Variants in GRID2 observed in about 807,000 individuals in gnomAD.
GRID2 encodes the protein glutamate receptor ionotropic, delta-2.
A neutral mutation model predicts 114.8 loss-of-function variants in GRID2; 33 were observed. The observed-to-expected ratio is 0.29, with a 90% CI of 0.22 to 0.38. The LOEUF is 0.38. Among genes scored for constraint, GRID2 ranks in the 10% least tolerant of loss-of-function variants. The pLI, the probability that GRID2 is intolerant of heterozygous loss-of-function variation, is 1.00. For missense variants in GRID2, 1,184 were observed against 1,257.7 expected (o/e 0.94, Z 0.89); for synonymous variants, 505 against 449.9 (o/e 1.12, Z -1.55).
chr4:93,170,318 A>G (rs1312926467), intron 4 of GRID2, among the ~76,000 whole-genome samples: 4 of 152,132 alleles, frequency 2.6e-5, no homozygotes, highest in Non-Finnish European at 5.9e-5. Flanking sequence ...TCCTGGGCTC[A>G]AGTGATCCAC....
At chr4:93,491,332 A>G (rs1444278925) in intron 12 of GRID2, among the ~76,000 whole-genome samples, 1 of 151,788 alleles carries the variant, frequency 6.6e-6, no homozygotes, top group Non-Finnish European at 1.5e-5. Context: ...TATTGCTGCT[A>G]TTTACTGGTT....
intron 8 of GRID2, among the ~76,000 whole-genome samples, chr4:93,364,047 T>C (rs1762115406): frequency 1.3e-5 from 2 of 152,164 alleles, no homozygotes; most frequent in South Asian, 4.1e-4. Context: ...TTCATTGTAG[T>C]TTGAGAATGT....
intron 14 of GRID2, among the ~76,000 whole-genome samples, chr4:93,691,457 A>G (rs1726556357): frequency 6.6e-6 from 1 of 152,118 alleles, no homozygotes; most frequent in South Asian, 2.1e-4. Context: ...GCAAGGTATC[A>G]TGAAAAGTGT....
intron 1 of GRID2, among the ~76,000 whole-genome samples, chr4:92,451,512 A>G (rs2149079029): frequency 6.6e-6 from 1 of 152,306 alleles, no homozygotes; most frequent in South Asian, 2.1e-4. Flanking sequence ...AATTTCAATG[A>G]GGTACAATCA....
At chr4:92,360,243 T>A (rs987272888) in intron 1 of GRID2, among the ~76,000 whole-genome samples, 3 of 151,952 alleles carry the variant, frequency 2.0e-5, no homozygotes, top group African/African-American at 7.2e-5. Context: ...TCTCATACTA[T>A]TCCAAGACAA....
chr4:92,910,653 T>TA (rs1212305622), intron 2 of GRID2, among the ~76,000 whole-genome samples: 1 of 152,032 alleles, frequency 6.6e-6, no homozygotes, highest in Non-Finnish European at 1.5e-5. Context: ...TGGCTGCCAT[T>TA]TGGTATCCTT....
intron 13 of GRID2, among the ~76,000 whole-genome samples, chr4:93,547,387 C>A (rs573982856): frequency 6.6e-6 from 1 of 152,064 alleles, no homozygotes. Flanking sequence ...TACATTTAAT[C>A]CAGTAAATTT....
chr4:92,722,678 T>C (rs1448669084), intron 2 of GRID2, among the ~76,000 whole-genome samples: 1 of 152,088 alleles, frequency 6.6e-6, no homozygotes, highest in Non-Finnish European at 1.5e-5. Context: ...ACCACTCCTT[T>C]AGATGACGCC....
chr4:93,260,310 T>C (rs1750113444), intron 8 of GRID2, among the ~76,000 whole-genome samples: 1 of 151,516 alleles, frequency 6.6e-6, no homozygotes, highest in African/African-American at 2.4e-5. Flanking sequence ...ATAATAAAGT[T>C]TCTTAATGTC....
At chr4:93,275,025 A>C (rs192130572) in intron 8 of GRID2, among the ~76,000 whole-genome samples, 1 of 152,116 alleles carries the variant, frequency 6.6e-6, no homozygotes, top group Admixed American at 6.6e-5. Context: ...GGATATTTTC[A>C]TCACTCTAAG....
At chr4:93,386,752 G>A (rs1764353635) in intron 8 of GRID2, among the ~76,000 whole-genome samples, 1 of 152,096 alleles carries the variant, frequency 6.6e-6, no homozygotes, top group African/African-American at 2.4e-5. Context: ...GCAAGGGGAA[G>A]ATCTAGGAAT....
At chr4:93,627,520 T>A (rs1742834536) in intron 14 of GRID2, among the ~76,000 whole-genome samples, 1 of 152,200 alleles carries the variant, frequency 6.6e-6, no homozygotes, top group Non-Finnish European at 1.5e-5. Flanking sequence ...CTTTTCTGTG[T>A]AGCAAACAAC....
chr4:92,317,789 G>A lies in GRID2; in HGVS notation c.88+13045G>A, dbSNP rs1180922020. Among the ~76,000 whole-genome samples, 4 of 152,124 alleles carry A rather than the reference G, an allele frequency of 2.6e-5. No individual in the cohort carries two copies. In the East Asian group the frequency reaches 7.7e-4, roughly 29 times the overall value. On this transcript the variant is annotated intron_variant, in intron 1 of 15. Coordinates refer to ENST00000282020, the MANE Select transcript of GRID2 (RefSeq NM_001510.4). Reference sequence around the variant, plus strand: ...GTGAAGCTTTTGGGCCACCAAAGAAGAATAAGCTGAATGACACTGACTGGG... The same window carrying A: ...GTGAAGCTTTTGGGCCACCAAAGAAAAATAAGCTGAATGACACTGACTGGG...
intron 14 of GRID2, among the ~76,000 whole-genome samples, chr4:93,761,241 C>T (rs1037695498): frequency 1.3e-5 from 2 of 152,134 alleles, no homozygotes; most frequent in Non-Finnish European, 2.9e-5. Flanking sequence ...TAGGAGTCAC[C>T]ATCTCTGGTT....
At chr4:93,648,513 A>C (rs1722312027) in intron 14 of GRID2, among the ~76,000 whole-genome samples, 3 of 152,144 alleles carry the variant, frequency 2.0e-5, no homozygotes, top group Admixed American at 2.0e-4. Flanking sequence ...GCCATTGTTG[A>C]AGGGCTATTT....
chr4:93,649,274 G>T (rs963036732), intron 14 of GRID2, among the ~76,000 whole-genome samples: 1 of 152,170 alleles, frequency 6.6e-6, no homozygotes, highest in South Asian at 2.1e-4. Flanking sequence ...ACAGTGCTTT[G>T]CCTATAGGAA....
chr4:93,772,587 G>C lies in GRID2; in HGVS notation c.*89G>C. On this transcript the variant is annotated 3_prime_UTR_variant, in exon 16 of 16. Transcript: ENST00000282020. The stretch of plus-strand genomic sequence containing the variant: ...ATTGTGGGACTAACATGGATGTAAC[G>C]TTTAAAAAAAAGATCAGGATTATTA... 1 of 915,990 alleles carries C rather than the reference G, an allele frequency of 1.1e-6. No individual in the cohort carries two copies. The highest frequency in any genetic ancestry group is 1.6e-6 in the Non-Finnish European group (1 of 607,050). The allele number at this position is 915,990 out of a possible 1,614,324, so 56.7% of individuals were successfully genotyped here.
chr4:92,767,510 G>A (rs1158790970), intron 2 of GRID2, among the ~76,000 whole-genome samples: 2 of 152,028 alleles, frequency 1.3e-5, no homozygotes, highest in East Asian at 1.9e-4. Context: ...GCATTTCATG[G>A]GAGGCCAAGA....
At chr4:93,606,461 G>A (rs536393155) in intron 13 of GRID2, among the ~76,000 whole-genome samples, 14 of 152,294 alleles carry the variant, frequency 9.2e-5, no homozygotes, top group Admixed American at 9.2e-4. Context: ...ATTGATTTCT[G>A]TTATAAAAGT....
Sources: allele counts gnomAD v4.1 joint callset (sites outside exome capture counted in the v4.1 genomes callset), GRCh38; gene constraint gnomAD v4.1.1; transcripts MANE v1.5; gene names NCBI Gene and HGNC (gene_info 2026-07-23, HGNC 2026-07-21).